The following PKHD1 variants were observed in gnomAD, a reference collection of about 807,000 sequenced individuals.
The protein encoded by PKHD1 is PKHD1 ciliary IPT domain containing fibrocystin/polyductin.
PKHD1 carries 291 observed loss-of-function variants against 412.0 expected under a neutral mutation model. The observed-to-expected ratio is 0.71, with a 90% CI of 0.64 to 0.78. PKHD1 has a LOEUF of 0.78. Ranked by LOEUF, PKHD1 falls within the 30% of genes least tolerant of loss-of-function variation. The pLI, the probability that PKHD1 is intolerant of heterozygous loss-of-function variation, is 0.00. For missense variants in PKHD1, 4,825 were observed against 4,950.7 expected (o/e 0.97, Z 0.76); for synonymous variants, 1,777 against 1,821.5 (o/e 0.98, Z 0.62).
intron 60 of PKHD1, among the ~76,000 whole-genome samples, chr6:51,735,987 G>C (rs1783795633): frequency 6.6e-6 from 1 of 152,076 alleles, no homozygotes; most frequent in Non-Finnish European, 1.5e-5. Flanking sequence ...TTGTTAATTA[G>C]CTTTAGGACT....
chr6:51,672,457 T>C (rs1037701978), intron 60 of PKHD1, among the ~76,000 whole-genome samples: 3 of 152,320 alleles, frequency 2.0e-5, no homozygotes, highest in Admixed American at 2.0e-4. Flanking sequence ...TGCAAACACA[T>C]AGCTGAGATT....
intron 36 of PKHD1, among the ~76,000 whole-genome samples, chr6:51,936,155 C>T (rs1367858559): frequency 1.3e-5 from 2 of 152,152 alleles, no homozygotes; most frequent in Non-Finnish European, 2.9e-5. Context: ...ACTCAACACA[C>T]AATTAATGGT....
At chr6:51,998,052 T>C (rs1452398239) in intron 35 of PKHD1, among the ~76,000 whole-genome samples, 3 of 152,182 alleles carry the variant, frequency 2.0e-5, no homozygotes, top group Admixed American at 2.0e-4. Context: ...CTGGCTAGAT[T>C]GCACGTGGCG....
intron 52 of PKHD1, among the ~76,000 whole-genome samples, chr6:51,817,876 T>C (rs1418685201): frequency 6.6e-6 from 1 of 152,030 alleles, no homozygotes; most frequent in African/African-American, 2.4e-5. Context: ...CTGGGCAGAG[T>C]GCAGAACATT....
chr6:51,721,960 A>C, intron 60 of PKHD1: 2 of 1,613,424 alleles, frequency 1.2e-6, no homozygotes, highest in Non-Finnish European at 1.7e-6. Context: ...AATCTTTCAA[A>C]GTTCAGCTTC....
intron 61 of PKHD1, among the ~76,000 whole-genome samples, chr6:51,655,127 G>T (rs1480619224): frequency 6.6e-6 from 1 of 152,060 alleles, no homozygotes; most frequent in Non-Finnish European, 1.5e-5. Flanking sequence ...CTCTTTAATG[G>T]CAAAGTTGTG....
intron 60 of PKHD1, among the ~76,000 whole-genome samples, chr6:51,668,777 G>A (rs1350624688): frequency 6.6e-6 from 1 of 152,154 alleles, no homozygotes; most frequent in African/African-American, 2.4e-5. Flanking sequence ...TTTTGTCAAA[G>A]GCCTTTTCTG....
intron 47 of PKHD1, among the ~76,000 whole-genome samples, chr6:51,869,857 A>T (rs1373903456): frequency 6.6e-6 from 1 of 152,152 alleles, no homozygotes; most frequent in East Asian, 1.9e-4. Context: ...TAAATTGGTG[A>T]TTCAAACCAC....
At chr6:52,029,793 G>GC (rs2128156839) in intron 29 of PKHD1, among the ~76,000 whole-genome samples, 1 of 152,290 alleles carries the variant, frequency 6.6e-6, no homozygotes, top group African/African-American at 2.4e-5. Flanking sequence ...TAGTCCTAGG[G>GC]CCAAAGACCA....
At chr6:51,804,185 T>C (rs1480474972) in intron 52 of PKHD1, among the ~76,000 whole-genome samples, 1 of 151,222 alleles carries the variant, frequency 6.6e-6, no homozygotes, top group East Asian at 1.9e-4. Context: ...ACTACTGACC[T>C]CATTTGCTCA....
At chr6:51,686,914 T>C (rs998586503) in intron 60 of PKHD1, among the ~76,000 whole-genome samples, 10 of 152,288 alleles carry the variant, frequency 6.6e-5, no homozygotes, top group Non-Finnish European at 1.5e-4. Context: ...TAAAAATATT[T>C]TGCAAGGACT....
intron 34 of PKHD1, among the ~76,000 whole-genome samples, 197 bp from the exon 35 acceptor site, chr6:52,010,656 A>G (rs1412247086): frequency 1.3e-5 from 2 of 152,184 alleles, no homozygotes; most frequent in South Asian, 2.1e-4. Context: ...ACACCCTGCA[A>G]TGAAAATGCA....
intron 60 of PKHD1, among the ~76,000 whole-genome samples, chr6:51,727,507 C>T (rs1169179714): frequency 2.0e-5 from 3 of 152,194 alleles, no homozygotes; most frequent in African/African-American, 7.2e-5. Flanking sequence ...TCACTGTTAA[C>T]TGTGATACTA....
chr6:51,867,435 G>A lies in PKHD1; in HGVS notation c.7733+428C>T, dbSNP rs571888170. On this transcript the variant is annotated intron_variant, in intron 48 of 66. Transcript: ENST00000371117. ...GAGTGAAGCAACCTTGCAAGTAATA[G>A]GAGGCATCAGCAATTGCTTCCCTGG... Among the ~76,000 whole-genome samples, 118 of 152,202 alleles carry A rather than the reference G, an allele frequency of 7.8e-4. 1 individual carries two copies. The South Asian group carries it at 0.014, about 18-fold the overall frequency.
At chr6:51,722,101 G>A (rs984802617) in intron 60 of PKHD1, 11 of 1,608,928 alleles carry the variant, frequency 6.8e-6, no homozygotes, top group African/African-American at 6.7e-5. Flanking sequence ...TTCTCGGCAT[G>A]CTTTCCACAT....
Position 51,931,107 on chromosome 6 carries a change from G to A in PKHD1, c.6121+3003C>T, listed in dbSNP as rs1266885. 4.1e-3 allele frequency among the ~76,000 whole-genome samples: 624 copies of A among 152,226 alleles called. 1 individual carries two copies. Among genetic ancestry groups the A allele is most frequent in the African/African-American group, 0.014 (598 of 41,510 alleles). On this transcript the variant is annotated intron_variant, in intron 37 of 66. Transcript: ENST00000371117. ...CATAGCTGATCTGTGGCAGAACTGG[G>A]CCCATTTCTGATTCCAATTTGATTA...
chr6:51,649,433 G>A (rs1449466661), intron 61 of PKHD1, among the ~76,000 whole-genome samples: 1 of 152,054 alleles, frequency 6.6e-6, no homozygotes, highest in Non-Finnish European at 1.5e-5. Context: ...AATGGACTAG[G>A]GGGTAGGGAA....
chr6:52,056,862 T>TC (rs1452176414), intron 17 of PKHD1, 28 bp downstream of exon 17: 17 of 1,592,516 alleles, frequency 1.1e-5, no homozygotes, highest in Non-Finnish European at 1.5e-5. Flanking sequence ...CCCACTCCCC[T>TC]CCCTCATTTT....
Position 51,939,073 on chromosome 6 carries a change from A to G in PKHD1, c.5909-4751T>C, listed in dbSNP as rs1326323119. Among the ~76,000 whole-genome samples, 4 of 151,512 alleles carry G rather than the reference A, an allele frequency of 2.6e-5. 1 individual carries two copies. The highest frequency in any genetic ancestry group is 2.0e-4 in the Admixed American group (3 of 15,214). ...GGGATGTCTGCCTGATTATTCACCCACATTTCAGAGGTGTCTGACCACGTG... is the reference window on the plus strand; with the variant it reads ...GGGATGTCTGCCTGATTATTCACCCGCATTTCAGAGGTGTCTGACCACGTG... On this transcript the variant is annotated intron_variant, in intron 36 of 66. Transcript: ENST00000371117.
Sources: gnomAD v4.1 joint callset for allele counts (sites outside exome capture counted in the v4.1 genomes callset) on GRCh38, gnomAD v4.1.1 for gene constraint, MANE v1.5 for transcripts, NCBI Gene and HGNC (gene_info 2026-07-23, HGNC 2026-07-21) for gene names.